Variants in OSBPL3 observed in about 807,000 individuals in gnomAD.
OSBPL3 encodes the protein oxysterol binding protein like 3.
Under a neutral mutation model 120.1 loss-of-function variants are expected in OSBPL3, and 65 were observed. That is an observed-to-expected ratio of 0.54 (90% CI 0.44 to 0.67). The LOEUF (loss-of-function observed/expected upper bound fraction) is 0.67. Ranked by LOEUF, OSBPL3 falls within the 30% of genes least tolerant of loss-of-function variation. OSBPL3 has a pLI of 0.00. For missense variants in OSBPL3, 1,004 were observed against 1,082.1 expected (o/e 0.93, Z 1.01); for synonymous variants, 416 against 402.6 (o/e 1.03, Z -0.40).
rs1418208164 is a variant in OSBPL3, at chr7:24,912,650, G to C, written c.-149-20029C>G. On this transcript the variant is annotated intron_variant, in intron 1 of 22. Coordinates refer to ENST00000313367, the MANE Select transcript of OSBPL3 (RefSeq NM_015550.4). This position sits in a 1 kb window ranked among gnomAD's most constrained non-coding sequence, Gnocchi z 4.5. ...CTCCAGACCCAAGGCAGACGTCAAGGCTTATTTATGGCTTAGAGCAAGCTG... is the reference window on the plus strand; with the variant it reads ...CTCCAGACCCAAGGCAGACGTCAAGCCTTATTTATGGCTTAGAGCAAGCTG... Among the ~76,000 whole-genome samples the C allele has an allele frequency of 6.6e-6, 1 of 152,154 alleles. No homozygotes were observed. The highest frequency in any genetic ancestry group is 1.9e-4 in the East Asian group (1 of 5,196).
rs1809011326 is a variant in OSBPL3, at chr7:24,912,810, T to C, written c.-149-20189A>G. Reference sequence around the variant, plus strand: ...CTTCTTCATCAATAGATGGCTTCTATATTCCCATCCTTCAAATTTGAGTGG... The same window carrying C: ...CTTCTTCATCAATAGATGGCTTCTACATTCCCATCCTTCAAATTTGAGTGG... On this transcript the variant is annotated intron_variant, in intron 1 of 22. Coordinates refer to ENST00000313367, the MANE Select transcript of OSBPL3 (RefSeq NM_015550.4). This position sits in a 1 kb window ranked among gnomAD's most constrained non-coding sequence, Gnocchi z 4.5. Among the ~76,000 whole-genome samples, 6 of 152,242 alleles carry C rather than the reference T, an allele frequency of 3.9e-5. No homozygotes were observed. The highest frequency in any genetic ancestry group is 3.9e-4 in the Admixed American group (6 of 15,284).
rs2128557546 is a variant in OSBPL3 at position 24,979,905 on chromosome 7, A to G, written c.-169T>C. On this transcript the variant is annotated 5_prime_UTR_variant, in exon 1 of 23. Transcript: ENST00000313367. The stretch of plus-strand genomic sequence containing the variant: ...ACTCACCTGAGCGCTGTGCAGCCGG[A>G]GACGCTCCCTAGTTCCCCGGGGCCG... The G allele has an allele frequency of 1.0e-6, 1 of 964,010 alleles. No homozygotes were observed. Among genetic ancestry groups the G allele is most frequent in the Non-Finnish European group, 1.2e-6 (1 of 819,230 alleles). 59.7% of individuals were successfully genotyped at this position (964,010 alleles called of 1,614,324 possible). A position where few individuals can be genotyped will look rare whatever the true frequency, so the allele number is the denominator to read the frequency against.
chr7:24,806,606 T>C lies in OSBPL3; in HGVS notation c.2444+170A>G, dbSNP rs1201555375. Among the ~76,000 whole-genome samples the C allele has an allele frequency of 1.3e-5, 2 of 152,202 alleles. No homozygotes were observed. Among genetic ancestry groups the C allele is most frequent in the Non-Finnish European group, 2.9e-5 (2 of 68,026 alleles). ...AGGCCATGCCACACATGGATCCTAG[T>C]TGGGCCCCATCTCCTCCGTGATACA... On this transcript the variant is annotated intron_variant, in intron 21 of 22. Transcript: ENST00000313367. The surrounding 1 kb of genome is among the most constrained non-coding windows in gnomAD (Gnocchi z 5.2).
At chr7:24,945,780 C>T (rs1470330174) in intron 1 of OSBPL3, among the ~76,000 whole-genome samples, 1 of 152,112 alleles carries the variant, frequency 6.6e-6, no homozygotes, top group Non-Finnish European at 1.5e-5. Flanking sequence ...ATAAGAGGTT[C>T]GAATTATGTT....
Position 24,922,849 on chromosome 7 carries a change from A to G in OSBPL3, c.-149-30228T>C, listed in dbSNP as rs912040329. ...GTGACAGACCACCCTCTCAGGGAGA[A>G]CCACAGGGCTAATTCTGATTCCAAA... On this transcript the variant is annotated intron_variant, in intron 1 of 22. Transcript: ENST00000313367. This position sits in a 1 kb window ranked among gnomAD's most constrained non-coding sequence, Gnocchi z 4.3. 6.6e-6 allele frequency among the ~76,000 whole-genome samples: 1 copy of G among 152,208 alleles called. No homozygotes were observed. The highest frequency in any genetic ancestry group is 2.4e-5 in the African/African-American group (1 of 41,456).
intron 1 of OSBPL3, among the ~76,000 whole-genome samples, chr7:24,944,448 G>A (rs532926966): frequency 7.3e-4 from 111 of 152,122 alleles, no homozygotes; most frequent in Non-Finnish European, 1.1e-3. Context: ...CCAACATGGC[G>A]AAACCCCGTC....
At position 24,922,669 on chromosome 7, in the gene OSBPL3, G is replaced by T. The variant is rs1810541211; in HGVS notation, c.-149-30048C>A. On this transcript the variant is annotated intron_variant, in intron 1 of 22. Coordinates refer to ENST00000313367, the MANE Select transcript of OSBPL3 (RefSeq NM_015550.4). The surrounding 1 kb of genome is among the most constrained non-coding windows in gnomAD (Gnocchi z 4.3). ...TCCACAGACCTGCCAGCTCTGCCCT[G>T]GTCCTCAGTCTGACCTCATTCTAGC... 6.6e-6 allele frequency among the ~76,000 whole-genome samples: 1 copy of T among 152,090 alleles called. No homozygotes were observed. The highest frequency in any genetic ancestry group is 6.6e-5 in the Admixed American group (1 of 15,258).
Position 24,952,966 on chromosome 7 carries a change from T to C in OSBPL3, c.-150+26920A>G, listed in dbSNP as rs1408509041. ...GCCTGGGCAACACAGCAAGACACTG[T>C]CTCTACAAAAAAATCTAAAAATTAG... On this transcript the variant is annotated intron_variant, in intron 1 of 22. Transcript: ENST00000313367. The surrounding 1 kb of genome is among the most constrained non-coding windows in gnomAD (Gnocchi z 4.4). 6.6e-6 allele frequency among the ~76,000 whole-genome samples: 1 copy of C among 152,024 alleles called. No homozygotes were observed. The highest frequency in any genetic ancestry group is 1.5e-5 in the Non-Finnish European group (1 of 68,012).
At position 24,964,319 on chromosome 7, in the gene OSBPL3, A is replaced by G. The variant is rs539071321; in HGVS notation, c.-150+15567T>C. ...ACCATATGGTAGAGAAGCCTGACAA[A>G]CACTACCTCAACCAGATGAGCAAGG... On this transcript the variant is annotated intron_variant, in intron 1 of 22. Coordinates refer to ENST00000313367, the MANE Select transcript of OSBPL3 (RefSeq NM_015550.4). This position sits in a 1 kb window ranked among gnomAD's most constrained non-coding sequence, Gnocchi z 4.2. Among the ~76,000 whole-genome samples the G allele has an allele frequency of 2.0e-5, 3 of 152,306 alleles. No homozygotes were observed. In the East Asian group the frequency reaches 5.8e-4, roughly 29 times the overall value.
chr7:24,821,820 G>A lies in OSBPL3; in HGVS notation c.1885-1582C>T, dbSNP rs1795163892. On this transcript the variant is annotated intron_variant, in intron 16 of 22. Transcript: ENST00000313367. This position sits in a 1 kb window ranked among gnomAD's most constrained non-coding sequence, Gnocchi z 5.5. ...TTTTCAAGGGCAACTTTCACTTCAA[G>A]CACTGACTTAGAAACCTAATCCCAT... Among the ~76,000 whole-genome samples, 1 of 152,194 alleles carries A rather than the reference G, an allele frequency of 6.6e-6. No individual in the cohort carries two copies. The highest frequency in any genetic ancestry group is 1.5e-5 in the Non-Finnish European group (1 of 68,028).
chr7:24,847,656 T>C (rs1192134078), intron 12 of OSBPL3, among the ~76,000 whole-genome samples: 1 of 152,254 alleles, frequency 6.6e-6, no homozygotes, highest in Non-Finnish European at 1.5e-5. Context: ...ATGAACGTTA[T>C]GTATTTAACT....
At position 24,870,756 on chromosome 7, in the gene OSBPL3, G is replaced by A. The variant is rs139450336; in HGVS notation, c.357C>T (p.Thr119=). The change falls in exon 5 of 23, where the codon ACC becomes ACT. Residue 119 remains threonine, a synonymous_variant. Coordinates refer to ENST00000313367, the MANE Select transcript of OSBPL3 (RefSeq NM_015550.4). ...CCTTCAGATGGTAGATGTGCTCCTC[G>A]GTGTCAAGGTCTATGCATTTTGATG... is the stretch of plus-strand genomic sequence containing the variant. ...KKSSKCIDLD[T]EEHIYHLKVK... 6.8e-6 allele frequency: 11 copies of A among 1,609,202 alleles called. No homozygotes were observed. The highest frequency in any genetic ancestry group is 1.7e-5 in the Admixed American group (1 of 59,998).
Position 24,821,961 on chromosome 7 carries a change from C to A in OSBPL3, c.1885-1723G>T, listed in dbSNP as rs995528378. 1.3e-5 allele frequency among the ~76,000 whole-genome samples: 2 copies of A among 152,192 alleles called. No individual in the cohort carries two copies. Among genetic ancestry groups the A allele is most frequent in the African/African-American group, 4.8e-5 (2 of 41,444 alleles). ...CAATCACAGCCCACTACAGCCTTGA[C>A]CTCCAGGGCTCAAGTGATCCTCCTG... On this transcript the variant is annotated intron_variant, in intron 16 of 22. Coordinates refer to ENST00000313367, the MANE Select transcript of OSBPL3 (RefSeq NM_015550.4). This position sits in a 1 kb window ranked among gnomAD's most constrained non-coding sequence, Gnocchi z 5.5.
intron 1 of OSBPL3, chr7:24,906,296 G>A (rs1318776706): frequency 4.0e-6 from 1 of 249,752 alleles, no homozygotes; most frequent in Non-Finnish European, 8.2e-6. Context: ...CTGACATCAT[G>A]GGATGGCCAC....
rs145596906 is a variant in OSBPL3, at chr7:24,840,365, G to A, written c.1495+325C>T. ...TCCTCCTCAGCCTACTCAACATGAA[G>A]ATGACCAGGATGATGACCTTTATGA... is the stretch of plus-strand genomic sequence containing the variant. On this transcript the variant is annotated intron_variant, in intron 14 of 22. Coordinates refer to ENST00000313367, the MANE Select transcript of OSBPL3 (RefSeq NM_015550.4). 9.0e-3 allele frequency among the ~76,000 whole-genome samples: 1,373 copies of A among 152,264 alleles called. 5 individuals carry two copies. The highest frequency in any genetic ancestry group is 0.054 in the Middle Eastern group (16 of 294).
At chr7:24,839,124 A>G (rs1272458289) in intron 14 of OSBPL3, among the ~76,000 whole-genome samples, 1 of 152,194 alleles carries the variant, frequency 6.6e-6, no homozygotes, top group Non-Finnish European at 1.5e-5. Flanking sequence ...GAGCTGAGGA[A>G]CATTGAAATA....
At position 24,872,104 on chromosome 7, in the gene OSBPL3, T is replaced by C. The variant is rs891455025; in HGVS notation, c.97-35A>G. 2 of 1,381,142 alleles carry C rather than the reference T, an allele frequency of 1.4e-6. No individual in the cohort carries two copies. The highest frequency in any genetic ancestry group is 1.2e-5 in the South Asian group (1 of 85,452). The allele number at this position is 1,381,142 out of a possible 1,614,324, so 85.6% of individuals were successfully genotyped here. On this transcript the variant is annotated intron_variant, in intron 2 of 22. Transcript: ENST00000313367. The surrounding 1 kb of genome is among the most constrained non-coding windows in gnomAD (Gnocchi z 4.1). ...CAAAAGAGTTCATGTTAAATGTCTA[T>C]CTTTTTGAAAAATAATAATGGTAAA...
intron 1 of OSBPL3, among the ~76,000 whole-genome samples, chr7:24,928,441 T>C (rs930709480): frequency 6.6e-6 from 1 of 152,176 alleles, no homozygotes; most frequent in South Asian, 2.1e-4. Context: ...TCTGCCCACC[T>C]TGGCCTCCCA....
rs142688348 is a variant in OSBPL3 at position 24,966,494 on chromosome 7, C to T, written c.-150+13392G>A. ...AGCTGGAATGTTATTTTGCCCCACG[C>T]GATCAAAGACTAGAAAAACAGGAAT... is the stretch of plus-strand genomic sequence containing the variant. On this transcript the variant is annotated intron_variant, in intron 1 of 22. Coordinates refer to ENST00000313367, the MANE Select transcript of OSBPL3 (RefSeq NM_015550.4). The surrounding 1 kb of genome is among the most constrained non-coding windows in gnomAD (Gnocchi z 4.8). Among the ~76,000 whole-genome samples the T allele has an allele frequency of 3.3e-5, 5 of 152,100 alleles. No homozygotes were observed. Among genetic ancestry groups the T allele is most frequent in the Middle Eastern group, 3.2e-3 (1 of 316 alleles).
Sources: gnomAD v4.1 joint callset for allele counts (sites outside exome capture counted in the v4.1 genomes callset) on GRCh38, gnomAD v4.1.1 for gene constraint, Gnocchi (gnomAD v3.1) non-coding constraint, MANE v1.5 for transcripts, NCBI Gene and HGNC (gene_info 2026-07-23, HGNC 2026-07-21) for gene names.